Variants in POU2AF3 observed in about 807,000 individuals in gnomAD.
The protein encoded by POU2AF3 is cancer susceptibility candidate 13.
chr11:111,298,932 C>T, the POU2AF3 span: 1 of 1,055,784 alleles, frequency 9.5e-7, no homozygotes, highest in Non-Finnish European at 1.1e-6. Flanking sequence ...TCACAGTGAG[C>T]CTGGGACGGG....
the POU2AF3 span, among the ~76,000 whole-genome samples, chr11:111,301,608 G>A: frequency 2.1e-3 from 319 of 152,330 alleles, 2 homozygotes; most frequent in Middle Eastern, 3.4e-3. Context: ...ACAGGTTCCA[G>A]AACCAGATGG....
the POU2AF3 span, chr11:111,306,715 C>A: frequency 1.1e-6 from 1 of 915,178 alleles, no homozygotes; most frequent in Non-Finnish European, 1.7e-6. Context: ...GGAAATCATA[C>A]AAAAACTATC....
At chr11:111,300,235 A>C in the POU2AF3 span, 3 of 317,472 alleles carry the variant, frequency 9.4e-6, no homozygotes, top group Admixed American at 5.0e-5. Context: ...CATATTCCAG[A>C]GCAGAAAAAC....
chr11:111,299,657 G>T, the POU2AF3 span: 1 of 1,229,976 alleles, frequency 8.1e-7, no homozygotes, highest in Non-Finnish European at 1.0e-6. Flanking sequence ...TCCCCAGCTC[G>T]CGCTGCGCGG....
chr11:111,308,459 A>T, the POU2AF3 span: 1 of 1,526,378 alleles, frequency 6.6e-7, no homozygotes, highest in Non-Finnish European at 8.8e-7. Context: ...GTAATTCAGA[A>T]CATGGCATGG....
At chr11:111,299,564 G>C in the POU2AF3 span, 13 of 1,209,188 alleles carry the variant, frequency 1.1e-5, no homozygotes, top group Non-Finnish European at 1.3e-5. Flanking sequence ...CAGTCCGACC[G>C]GGCCCCGCCA....
chr11:111,300,019 C>T, the POU2AF3 span: 275,472 of 396,732 alleles, frequency 0.69, 96,080 homozygotes, highest in South Asian at 0.82. Flanking sequence ...CCTGGCCAGG[C>T]GGAGAAGGAA....
the POU2AF3 span, chr11:111,300,146 C>T: frequency 2.8e-6 from 1 of 362,778 alleles, no homozygotes; most frequent in East Asian, 4.0e-5. Context: ...CCATAATACC[C>T]TCTCTCTCGG....
chr11:111,304,905 C>A, the POU2AF3 span: 6 of 1,225,896 alleles, frequency 4.9e-6, no homozygotes, highest in East Asian at 1.3e-4. Context: ...GCCTGCTTCA[C>A]GGTGATATTC....
chr11:111,308,163 A>G, the POU2AF3 span: 1 of 1,551,768 alleles, frequency 6.4e-7, no homozygotes, highest in Non-Finnish European at 8.7e-7. Flanking sequence ...CCAGAGAATT[A>G]CAATTCCCCT....
the POU2AF3 span, chr11:111,305,055 G>C: frequency 6.3e-6 from 6 of 955,648 alleles, no homozygotes; most frequent in Non-Finnish European, 8.2e-6. Context: ...TTTCAGTCTT[G>C]ATTCAGGGGT....
the POU2AF3 span, chr11:111,306,562 G>A: frequency 7.1e-6 from 11 of 1,551,640 alleles, no homozygotes; most frequent in Non-Finnish European, 9.6e-6. Flanking sequence ...TCCACACAAA[G>A]TGCTCCACAC....
chr11:111,307,795 G>A, the POU2AF3 span, among the ~76,000 whole-genome samples: 1 of 152,194 alleles, frequency 6.6e-6, no homozygotes, highest in African/African-American at 2.4e-5. Flanking sequence ...GTTTCAGAAC[G>A]AGCACCCTCT....
chr11:111,302,606 G>A, the POU2AF3 span, among the ~76,000 whole-genome samples: 3 of 152,120 alleles, frequency 2.0e-5, no homozygotes, highest in Admixed American at 2.0e-4. Flanking sequence ...GTTCCCCGGA[G>A]TAGTTTGACT....
At chr11:111,299,526 C>T in the POU2AF3 span, 1 of 1,173,610 alleles carries the variant, frequency 8.5e-7, no homozygotes, top group Non-Finnish European at 1.1e-6. Context: ...CCCTCTTGAG[C>T]GCGCCCGCCA....
At chr11:111,298,827 C>CGGGGGGGGCCG in the POU2AF3 span, 1 of 631,566 alleles carries the variant, frequency 1.6e-6, no homozygotes, top group Non-Finnish European at 2.2e-6. Context: ...GTACCCCAGG[C>CGGGGGGGGCCG]CCCCGCCCGC....
chr11:111,308,263 C>T, the POU2AF3 span: 3 of 1,551,826 alleles, frequency 1.9e-6, no homozygotes, highest in Non-Finnish European at 2.6e-6. Flanking sequence ...GCTGCTTCTC[C>T]TCGGCCACCA....
the POU2AF3 span, chr11:111,299,841 G>A: frequency 1.9e-5 from 14 of 738,682 alleles, no homozygotes; most frequent in Non-Finnish European, 2.4e-5. Flanking sequence ...AGAAGGCAAA[G>A]ACAGAAGGGA....
the POU2AF3 span, chr11:111,304,688 C>T: frequency 2.8e-6 from 1 of 355,880 alleles, no homozygotes; most frequent in East Asian, 4.1e-5. Context: ...TTCTATGCAC[C>T]TGTCTTTCAA....
Sources: allele counts gnomAD v4.1 joint callset (sites outside exome capture counted in the v4.1 genomes callset), GRCh38; gene constraint gnomAD v4.1.1; transcripts MANE v1.5; gene names NCBI Gene and HGNC (gene_info 2026-07-23, HGNC 2026-07-21).